CAMTA1: variants seen among roughly 807,000 people sequenced by gnomAD.
The protein encoded by CAMTA1 is calmodulin-binding transcription activator 1.
In CAMTA1, 27 loss-of-function variants were observed where a neutral mutation model predicts 170.9. That is an observed-to-expected ratio of 0.16 (90% CI 0.12 to 0.22). The LOEUF (loss-of-function observed/expected upper bound fraction) is 0.22, where lower values mean the gene tolerates loss of function less well. Among genes scored for constraint, CAMTA1 ranks in the 10% least tolerant of loss-of-function variants. The probability of loss-of-function intolerance (pLI) is 1.00; values close to 1 mark genes in which losing one functional copy is unlikely to be tolerated. For synonymous variants in CAMTA1, 833 were observed against 891.5 expected (o/e 0.93, Z 1.17); for missense variants, 1,619 against 2,217.2 (o/e 0.73, Z 5.42).
At chr1:7,121,287 G>A (rs1644625355) in intron 4 of CAMTA1, among the ~76,000 whole-genome samples, 1 of 152,216 alleles carries the variant, frequency 6.6e-6, no homozygotes, top group African/African-American at 2.4e-5. Context: ...TAATTGAAAG[G>A]CCCCGTGGGA....
At chr1:6,824,045 C>CT (rs1646831979) in intron 2 of CAMTA1, among the ~76,000 whole-genome samples, 6 of 152,302 alleles carry the variant, frequency 3.9e-5, no homozygotes, top group East Asian at 1.9e-4. Flanking sequence ...ACTCTTGACT[C>CT]TGAGTTCAGT....
At chr1:6,991,666 T>C (rs1006071416) in intron 3 of CAMTA1, among the ~76,000 whole-genome samples, 1 of 152,220 alleles carries the variant, frequency 6.6e-6, no homozygotes, top group Non-Finnish European at 1.5e-5. Context: ...TGTGGCCTGC[T>C]TATTCATTTT....
At chr1:7,107,777 CACTGCG>C (rs976783149) in intron 4 of CAMTA1, among the ~76,000 whole-genome samples, 4 of 152,146 alleles carry the variant, frequency 2.6e-5, no homozygotes, top group African/African-American at 9.7e-5. Flanking sequence ...TCTAGATGGG[CACTGCG>C]AGGCTAGAGG....
intron 5 of CAMTA1, among the ~76,000 whole-genome samples, chr1:7,256,360 C>G (rs896803373): frequency 1.3e-5 from 2 of 152,022 alleles, no homozygotes; most frequent in Non-Finnish European, 2.9e-5. Flanking sequence ...GAGATCGAGA[C>G]CAACCTGGCT....
At chr1:7,536,294 T>C (rs755018382) in intron 6 of CAMTA1, among the ~76,000 whole-genome samples, 1 of 152,196 alleles carries the variant, frequency 6.6e-6, no homozygotes, top group Non-Finnish European at 1.5e-5. Flanking sequence ...CTCTGCACTT[T>C]CATTAAAAAG....
At chr1:7,278,567 A>G (rs1436099283) in intron 5 of CAMTA1, among the ~76,000 whole-genome samples, 1 of 152,222 alleles carries the variant, frequency 6.6e-6, no homozygotes, top group Non-Finnish European at 1.5e-5. Flanking sequence ...AAGTTTAAAT[A>G]ATTTCCAAGG....
chr1:7,652,111 C>T (rs973851823), intron 7 of CAMTA1, among the ~76,000 whole-genome samples: 1 of 150,976 alleles, frequency 6.6e-6, no homozygotes, highest in Non-Finnish European at 1.5e-5. Flanking sequence ...CCCCACACAT[C>T]CTGTACCGTC....
At chr1:7,129,669 T>C (rs1645134278) in intron 4 of CAMTA1, among the ~76,000 whole-genome samples, 1 of 152,210 alleles carries the variant, frequency 6.6e-6, no homozygotes, top group South Asian at 2.1e-4. Flanking sequence ...AAATAAACTG[T>C]ATTTAGAGTG....
chr1:6,823,881 T>C (rs1199505041), intron 2 of CAMTA1, among the ~76,000 whole-genome samples: 1 of 152,204 alleles, frequency 6.6e-6, no homozygotes, highest in Non-Finnish European at 1.5e-5. Flanking sequence ...GTAAGGCCTA[T>C]TAAGTTATTT....
chr1:7,245,987 G>T (rs2149283863), intron 4 of CAMTA1, among the ~76,000 whole-genome samples: 1 of 152,350 alleles, frequency 6.6e-6, no homozygotes, highest in South Asian at 2.1e-4. Context: ...CCTCCACCGG[G>T]CAGGGAAGCC....
chr1:6,890,101 G>T (rs1319833429), intron 3 of CAMTA1, among the ~76,000 whole-genome samples: 1 of 152,158 alleles, frequency 6.6e-6, no homozygotes, highest in South Asian at 2.1e-4. Context: ...AGGCAGAGAG[G>T]GACTCTGACC....
At chr1:7,119,116 G>A (rs1644501487) in intron 4 of CAMTA1, among the ~76,000 whole-genome samples, 2 of 152,166 alleles carry the variant, frequency 1.3e-5, no homozygotes, top group African/African-American at 2.4e-5. Flanking sequence ...GACCCCTGAT[G>A]TCAGTTCAGA....
intron 7 of CAMTA1, among the ~76,000 whole-genome samples, chr1:7,660,302 G>C (rs914566347): frequency 6.6e-6 from 1 of 152,208 alleles, no homozygotes; most frequent in African/African-American, 2.4e-5. Flanking sequence ...CCTGACCTCA[G>C]GTGATCCGCC....
At chr1:7,406,618 A>G (rs1006281769) in intron 5 of CAMTA1, among the ~76,000 whole-genome samples, 10 of 152,032 alleles carry the variant, frequency 6.6e-5, no homozygotes, top group South Asian at 2.1e-4. Flanking sequence ...ACACACACAC[A>G]CATGCATGCA....
At chr1:7,103,876 T>A (rs1643192752) in intron 4 of CAMTA1, among the ~76,000 whole-genome samples, 2 of 117,594 alleles carry the variant, frequency 1.7e-5, no homozygotes. Context: ...CACACACAAC[T>A]ACACACATGT....
At chr1:7,523,444 C>T (rs1484290795) in intron 6 of CAMTA1, among the ~76,000 whole-genome samples, 2 of 152,156 alleles carry the variant, frequency 1.3e-5, no homozygotes, top group African/African-American at 4.8e-5. Context: ...AGAGAATTGA[C>T]ATCTTCACTA....
At chr1:7,537,529 A>G (rs2094563660) in intron 6 of CAMTA1, among the ~76,000 whole-genome samples, 1 of 152,206 alleles carries the variant, frequency 6.6e-6, no homozygotes, top group South Asian at 2.1e-4. Context: ...GGCTGCCACC[A>G]GCTGGAATGG....
intron 5 of CAMTA1, among the ~76,000 whole-genome samples, chr1:7,358,072 G>A (rs914091575): frequency 6.6e-6 from 1 of 152,318 alleles, no homozygotes; most frequent in Admixed American, 6.5e-5. Context: ...TTGTGGAGGG[G>A]GGGAATGGAC....
chr1:7,102,878 C>T (rs1179720839), intron 4 of CAMTA1, among the ~76,000 whole-genome samples: 1 of 152,158 alleles, frequency 6.6e-6, no homozygotes, highest in Non-Finnish European at 1.5e-5. Flanking sequence ...CGAACTGTCA[C>T]CTTCTTTAGT....
Sources: gnomAD v4.1 joint callset for allele counts (sites outside exome capture counted in the v4.1 genomes callset) on GRCh38, gnomAD v4.1.1 for gene constraint, MANE v1.5 for transcripts, NCBI Gene and HGNC (gene_info 2026-07-23, HGNC 2026-07-21) for gene names.